The following GRID2 variants were observed in gnomAD, a reference collection of about 807,000 sequenced individuals.
GRID2 encodes the protein glutamate ionotropic receptor delta type subunit 2.
GRID2 carries 33 observed loss-of-function variants against 114.8 expected under a neutral mutation model. That is an observed-to-expected ratio of 0.29 (90% CI 0.22 to 0.38). GRID2 has a LOEUF of 0.38. Ranked by LOEUF, GRID2 falls within the 10% of genes least tolerant of loss-of-function variation. The pLI, the probability that GRID2 is intolerant of heterozygous loss-of-function variation, is 1.00. For missense variants in GRID2, 1,184 were observed against 1,257.7 expected (o/e 0.94, Z 0.89); for synonymous variants, 505 against 449.9 (o/e 1.12, Z -1.55).
chr4:93,371,037 G>A (rs761201151), intron 8 of GRID2, among the ~76,000 whole-genome samples: 1 of 152,172 alleles, frequency 6.6e-6, no homozygotes, highest in African/African-American at 2.4e-5. Flanking sequence ...ACACTCCATT[G>A]TAAGAGAGAA....
At chr4:92,686,024 GA>G (rs986508463) in intron 2 of GRID2, among the ~76,000 whole-genome samples, 12 of 151,926 alleles carry the variant, frequency 7.9e-5, no homozygotes, top group Non-Finnish European at 1.8e-4. Flanking sequence ...AAATAGGTAT[GA>G]AAAAAATCAA....
intron 8 of GRID2, among the ~76,000 whole-genome samples, chr4:93,254,579 T>C (rs1242588111): frequency 2.0e-5 from 3 of 152,130 alleles, no homozygotes; most frequent in Admixed American, 6.6e-5. Flanking sequence ...ATTTCTTCTT[T>C]TGATTCTTTC....
chr4:93,537,026 A>G (rs1732159250), intron 13 of GRID2, among the ~76,000 whole-genome samples: 1 of 151,332 alleles, frequency 6.6e-6, no homozygotes, highest in South Asian at 2.1e-4. Context: ...TTTATAAATA[A>G]CACTCAATAT....
intron 1 of GRID2, among the ~76,000 whole-genome samples, chr4:92,338,809 T>G (rs1019763338): frequency 6.6e-6 from 1 of 152,156 alleles, no homozygotes; most frequent in African/African-American, 2.4e-5. Context: ...TTTAAAATCT[T>G]AAATTATAAT....
At chr4:93,473,177 G>T (rs188015018) in intron 11 of GRID2, among the ~76,000 whole-genome samples, 1 of 151,562 alleles carries the variant, frequency 6.6e-6, no homozygotes, top group East Asian at 1.9e-4. Flanking sequence ...TAACTTCTTT[G>T]CCAACTTCCC....
chr4:93,452,563 C>A (rs1335096782), intron 10 of GRID2, among the ~76,000 whole-genome samples: 1 of 152,016 alleles, frequency 6.6e-6, no homozygotes, highest in Non-Finnish European at 1.5e-5. Flanking sequence ...GAGATTGATA[C>A]ATTTAATGAT....
chr4:92,625,799 A>G (rs1393428537), intron 2 of GRID2, among the ~76,000 whole-genome samples: 16 of 151,932 alleles, frequency 1.1e-4, no homozygotes, highest in Admixed American at 8.5e-4. Flanking sequence ...CTCATCTCCA[A>G]TGCAATATAA....
At chr4:93,349,775 C>A (rs527885871) in intron 8 of GRID2, among the ~76,000 whole-genome samples, 1 of 151,468 alleles carries the variant, frequency 6.6e-6, no homozygotes, top group Non-Finnish European at 1.5e-5. Flanking sequence ...TATTTAAAAC[C>A]GAAAACAAAT....
intron 2 of GRID2, among the ~76,000 whole-genome samples, chr4:92,848,327 T>C (rs1743494155): frequency 6.6e-6 from 1 of 151,978 alleles, no homozygotes; most frequent in East Asian, 1.9e-4. Context: ...AATTCTCTCC[T>C]TTCTCTACTG....
intron 2 of GRID2, among the ~76,000 whole-genome samples, chr4:92,771,409 T>C (rs1738541563): frequency 6.6e-6 from 1 of 152,220 alleles, no homozygotes; most frequent in Non-Finnish European, 1.5e-5. Flanking sequence ...TCATTTAAAA[T>C]AGTAATCTGT....
At chr4:93,256,680 G>T (rs1436567515) in intron 8 of GRID2, among the ~76,000 whole-genome samples, 2 of 151,730 alleles carry the variant, frequency 1.3e-5, no homozygotes, top group African/African-American at 4.8e-5. Flanking sequence ...TATGATAGAT[G>T]ATATGGATAT....
At chr4:92,660,957 C>A (rs1051941703) in intron 2 of GRID2, among the ~76,000 whole-genome samples, 4 of 150,836 alleles carry the variant, frequency 2.7e-5, no homozygotes, top group Non-Finnish European at 5.9e-5. Context: ...TTTTGGCTAA[C>A]CTTTTTGGAG....
chr4:92,930,627 A>G (rs1420026181), intron 2 of GRID2, among the ~76,000 whole-genome samples: 2 of 146,722 alleles, frequency 1.4e-5, no homozygotes, highest in Admixed American at 6.8e-5. Flanking sequence ...ATAAATTTAC[A>G]ACATGTGAAG....
intron 1 of GRID2, among the ~76,000 whole-genome samples, chr4:92,385,033 C>A (rs1179848770): frequency 6.6e-6 from 1 of 151,346 alleles, no homozygotes; most frequent in Non-Finnish European, 1.5e-5. Flanking sequence ...TATAATTTGT[C>A]TTTTAAAAAT....
chr4:92,553,050 A>G (rs11933444), intron 1 of GRID2, among the ~76,000 whole-genome samples: 33,942 of 152,064 alleles, frequency 0.22, 4,708 homozygotes, highest in African/African-American at 0.4. Context: ...TATTTCTTTG[A>G]TATCACCTAT....
At chr4:92,461,951 C>T (rs1358278838) in intron 1 of GRID2, among the ~76,000 whole-genome samples, 6 of 151,926 alleles carry the variant, frequency 3.9e-5, no homozygotes, top group African/African-American at 4.8e-5. Flanking sequence ...TGTTGTATTA[C>T]GTCTTTGACA....
intron 2 of GRID2, among the ~76,000 whole-genome samples, chr4:93,012,206 G>A (rs1722248522): frequency 6.6e-6 from 1 of 151,584 alleles, no homozygotes; most frequent in Non-Finnish European, 1.5e-5. Context: ...CATTCTAGAT[G>A]AAGGTAAACC....
At chr4:92,941,609 A>G (rs141000858) in intron 2 of GRID2, among the ~76,000 whole-genome samples, 3,905 of 152,162 alleles carry the variant, frequency 0.026, 115 homozygotes, top group East Asian at 0.14. Flanking sequence ...GTCTTCTGCT[A>G]GCTTTTGAAT....
chr4:92,807,239 T>A (rs35538025), intron 2 of GRID2, among the ~76,000 whole-genome samples: 1 of 151,994 alleles, frequency 6.6e-6, no homozygotes, highest in African/African-American at 2.4e-5. Flanking sequence ...TACTGCACCA[T>A]TTTTTAAATA....
Sources: allele counts gnomAD v4.1 joint callset (sites outside exome capture counted in the v4.1 genomes callset), GRCh38; gene constraint gnomAD v4.1.1; transcripts MANE v1.5; gene names NCBI Gene and HGNC (gene_info 2026-07-23, HGNC 2026-07-21).